Variants in IFT52 observed in about 807,000 individuals in gnomAD.
IFT52 encodes intraflagellar transport protein 52 homolog.
IFT52 carries 44 observed loss-of-function variants against 54.4 expected under a neutral mutation model. The observed-to-expected ratio is 0.81, with a 90% CI of 0.63 to 1.04. The LOEUF (loss-of-function observed/expected upper bound fraction) is 1.04, where lower values mean the gene tolerates loss of function less well. Among genes scored for constraint, IFT52 ranks in the 50% least tolerant of loss-of-function variants. IFT52 has a pLI of 0.00. For missense variants in IFT52, 452 were observed against 523.6 expected, an observed-to-expected ratio of 0.86 and a Z score of 1.33; for synonymous variants, 181 against 185.3, an observed-to-expected ratio of 0.98 and a Z score of 0.19.
intron 12 of IFT52, 67 bp from the exon 13 acceptor site, chr20:43,642,412 A>T: frequency 6.8e-7 from 1 of 1,461,964 alleles, no homozygotes. Flanking sequence ...CCTGAAACAC[A>T]CTAAGTCTGT....
chr20:43,627,904 TAGA>T (rs1440744864), intron 10 of IFT52, among the ~76,000 whole-genome samples: 2 of 74,914 alleles, frequency 2.7e-5, no homozygotes, highest in African/African-American at 1.0e-4. Context: ...CATATATATA[TAGA>T]GAGAGAGAGA....
chr20:43,626,229 C>T (rs866650097), intron 10 of IFT52, among the ~76,000 whole-genome samples: 13 of 150,912 alleles, frequency 8.6e-5, no homozygotes, highest in Non-Finnish European at 1.6e-4. Flanking sequence ...AGTTTGGGGG[C>T]ACATCTGTAC....
chr20:43,594,507 T>A (rs1200323662), intron 1 of IFT52, among the ~76,000 whole-genome samples, 186 bp from the exon 2 acceptor site: 1 of 152,110 alleles, frequency 6.6e-6, no homozygotes, highest in Non-Finnish European at 1.5e-5. Context: ...TTGGTTTTGG[T>A]CTTAGGTTTC....
At chr20:43,598,981 A>T (rs1180829743) in intron 3 of IFT52, among the ~76,000 whole-genome samples, 1 of 152,136 alleles carries the variant, frequency 6.6e-6, no homozygotes, top group Non-Finnish European at 1.5e-5. Flanking sequence ...ACTGGGGAGC[A>T]TTTCTAGTGC....
At chr20:43,618,353 G>A (rs1197036751) in intron 7 of IFT52, 1 of 151,824 alleles carries the variant, frequency 6.6e-6, no homozygotes, top group African/African-American at 2.4e-5. Flanking sequence ...TAGGACTACA[G>A]GTATGCCTCA....
chr20:43,606,448 AT>A (rs1243085782), intron 6 of IFT52, among the ~76,000 whole-genome samples: 1 of 151,338 alleles, frequency 6.6e-6, no homozygotes, highest in Non-Finnish European at 1.5e-5. Flanking sequence ...TAATTTCTCT[AT>A]TTTTAGTAGA....
At chr20:43,612,999 C>G (rs1362053298) in intron 6 of IFT52, among the ~76,000 whole-genome samples, 1 of 152,108 alleles carries the variant, frequency 6.6e-6, no homozygotes, top group Non-Finnish European at 1.5e-5. Context: ...CTCCTCTATC[C>G]CACACCCTCT....
intron 7 of IFT52, among the ~76,000 whole-genome samples, chr20:43,615,896 A>G (rs1473351712): frequency 6.6e-6 from 1 of 152,148 alleles, no homozygotes; most frequent in African/African-American, 2.4e-5. Context: ...AGATTGTGCC[A>G]CTGCACTCCA....
chr20:43,631,074 T>C (rs530885040), intron 10 of IFT52, among the ~76,000 whole-genome samples: 8 of 152,330 alleles, frequency 5.3e-5, no homozygotes, highest in Admixed American at 2.6e-4. Flanking sequence ...TAATCACTTT[T>C]GATTTTGGGG....
At chr20:43,617,696 G>A (rs537515257) in intron 7 of IFT52, among the ~76,000 whole-genome samples, 3 of 151,812 alleles carry the variant, frequency 2.0e-5, no homozygotes, top group Non-Finnish European at 4.4e-5. Flanking sequence ...CACCCGCCTC[G>A]GCCTCTTAAA....
chr20:43,596,599 C>A (rs1361548953), intron 3 of IFT52, 77 bp downstream of exon 3: 2 of 929,540 alleles, frequency 2.2e-6, no homozygotes, highest in Non-Finnish European at 3.5e-6. Context: ...ATTTGAATCC[C>A]CCTTCACCAC....
At chr20:43,593,338 G>A (rs1019257822) in intron 1 of IFT52, among the ~76,000 whole-genome samples, 6 of 152,174 alleles carry the variant, frequency 3.9e-5, no homozygotes, top group Non-Finnish European at 5.9e-5. Context: ...AAGGGTGTTA[G>A]TGGAAATATA....
chr20:43,612,927 A>C (rs573712830), intron 6 of IFT52, among the ~76,000 whole-genome samples: 1 of 152,146 alleles, frequency 6.6e-6, no homozygotes, highest in African/African-American at 2.4e-5. Context: ...TCCATCTTTG[A>C]GTAAAACCCT....
At chr20:43,601,159 C>G (rs752364395) in intron 3 of IFT52, among the ~76,000 whole-genome samples, 58 of 152,162 alleles carry the variant, frequency 3.8e-4, no homozygotes, top group Middle Eastern at 3.4e-3. Flanking sequence ...TGTCCTTAAA[C>G]ATTAATATTA....
intron 7 of IFT52, among the ~76,000 whole-genome samples, chr20:43,617,644 A>G (rs4810389): frequency 0.77 from 116,729 of 152,168 alleles, 45,034 homozygotes; most frequent in East Asian, 0.8. Context: ...GAGTTTGGCC[A>G]TCTTGGCCAG....
chr20:43,621,153 G>C, intron 9 of IFT52: 1 of 350,868 alleles, frequency 2.9e-6, no homozygotes, highest in Non-Finnish European at 5.2e-6. Flanking sequence ...CATACATACA[G>C]TATGTATATA....
At chr20:43,613,686 G>A (rs1286002555) in intron 6 of IFT52, among the ~76,000 whole-genome samples, 164 bp from the exon 7 acceptor site, 1 of 152,210 alleles carries the variant, frequency 6.6e-6, no homozygotes, top group African/African-American at 2.4e-5. Context: ...AAACCTGAGA[G>A]GCGGAGGTTA....
intron 11 of IFT52, among the ~76,000 whole-genome samples, chr20:43,636,401 T>C (rs115084842): frequency 1.1e-3 from 173 of 152,264 alleles, no homozygotes; most frequent in African/African-American, 3.7e-3. Context: ...TGTGTGTAAA[T>C]AGGTTATTTT....
chr20:43,625,314 GC>G (rs1984636347), intron 10 of IFT52, among the ~76,000 whole-genome samples: 2 of 152,036 alleles, frequency 1.3e-5, no homozygotes, highest in African/African-American at 4.8e-5. Flanking sequence ...TTCGAGACCA[GC>G]CTGGCCAACA....
Sources: gnomAD v4.1 joint callset for allele counts (sites outside exome capture counted in the v4.1 genomes callset) on GRCh38, gnomAD v4.1.1 for gene constraint, MANE v1.5 for transcripts, NCBI Gene and HGNC (gene_info 2026-07-23, HGNC 2026-07-21) for gene names.